Variants in TRPC4AP observed in about 807,000 individuals in gnomAD.
TRPC4AP encodes the protein short transient receptor potential channel 4-associated protein.
A neutral mutation model predicts 99.0 loss-of-function variants in TRPC4AP; 45 were observed. That is an observed-to-expected ratio of 0.45 (90% CI 0.36 to 0.58). The LOEUF (loss-of-function observed/expected upper bound fraction) is 0.58. TRPC4AP is among the 20% of genes least tolerant of loss of function. The probability of loss-of-function intolerance (pLI) is 0.00; values close to 1 mark genes in which losing one functional copy is unlikely to be tolerated. For synonymous variants in TRPC4AP, 408 were observed against 385.8 expected, an observed-to-expected ratio of 1.06 and a Z score of -0.67; for missense variants, 879 against 985.3, an observed-to-expected ratio of 0.89 and a Z score of 1.44.
In TRPC4AP at chr20:35,070,916, A is replaced by AT. The variant is rs199958785; in HGVS notation, c.298-1505dup. On this transcript the variant is annotated intron_variant, in intron 2 of 18. Transcript: ENST00000252015. ...AAACCTAAAACATAGTAAGTTTCAA[A>AT]TAAGTACTTACTTAATGAATAAAGA... Among the ~76,000 whole-genome samples, 11 of 152,364 alleles carry AT rather than the reference A, an allele frequency of 7.2e-5. No homozygotes were observed. The East Asian group carries it at 1.7e-3, about 24-fold the overall frequency.
intron 5 of TRPC4AP, among the ~76,000 whole-genome samples, chr20:35,050,726 A>G (rs573753571): frequency 1.3e-5 from 2 of 150,164 alleles, no homozygotes; most frequent in South Asian, 4.2e-4. Flanking sequence ...AAAAAAAACA[A>G]AACAAAAAAA....
At position 35,068,978 on chromosome 20, in the gene TRPC4AP, C is replaced by CAAAA. The variant is rs1555914270; in HGVS notation, c.414+314_414+317dup. ...ACACACACACACACACACACACACACAAAAAAAACAAAACATCTTAAGCAG... is the reference window on the plus strand; with the variant it reads ...ACACACACACACACACACACACACACAAAAAAAAAAAACAAAACATCTTAAGCAG... On this transcript the variant is annotated intron_variant, in intron 3 of 18. Transcript: ENST00000252015. Among the ~76,000 whole-genome samples the CAAAA allele has an allele frequency of 3.9e-3, 369 of 95,170 alleles. 8 individuals are homozygous for CAAAA. Among genetic ancestry groups the CAAAA allele is most frequent in the African/African-American group, 0.013 (326 of 24,910 alleles). 62.4% of individuals were successfully genotyped at this position (95,170 alleles called of 152,430 possible).
At position 35,044,525 on chromosome 20, in the gene TRPC4AP, G is replaced by A; in HGVS notation, c.845C>T (p.Ser282Phe). The A allele has an allele frequency of 6.2e-7, 1 of 1,613,962 alleles. No individual in the cohort carries two copies. ...QQKKSLSLGP[S>F]AAEINQAALL... ...TTTACCTTGATTGATTTCAGCTGCA[G>A]AAGGCCCCAAACTCAAGCTCTTCTT... Residue 282 changes from serine to phenylalanine, a missense_variant, in exon 7 of 19, where the codon TCT (serine) becomes TTT (phenylalanine). By Grantham distance (155) the Ser-to-Phe change is radical. This residue lies in a region of TRPC4AP where 603 missense variants were observed against 631.8 expected (regional missense o/e 0.95). Transcript: ENST00000252015.
At chr20:35,058,842 C>A (rs1385622780) in intron 3 of TRPC4AP, among the ~76,000 whole-genome samples, 1 of 151,882 alleles carries the variant, frequency 6.6e-6, no homozygotes, top group Non-Finnish European at 1.5e-5. Context: ...GTGCCTGCCA[C>A]CACTCCTGGC....
At chr20:35,004,927 G>A (rs1049654788) in intron 16 of TRPC4AP, among the ~76,000 whole-genome samples, 2 of 152,152 alleles carry the variant, frequency 1.3e-5, no homozygotes, top group Admixed American at 6.5e-5. Flanking sequence ...GAAAAACAAC[G>A]CAAAAGTTCC....
intron 5 of TRPC4AP, among the ~76,000 whole-genome samples, chr20:35,050,334 T>G (rs1253522166): frequency 6.6e-6 from 1 of 152,228 alleles, no homozygotes; most frequent in Non-Finnish European, 1.5e-5. Context: ...GAGTCAGACC[T>G]AAGTTCTAAT....
intron 7 of TRPC4AP, among the ~76,000 whole-genome samples, chr20:35,035,569 G>A (rs1262128399): frequency 6.6e-6 from 1 of 152,192 alleles, no homozygotes; most frequent in Middle Eastern, 3.2e-3. Flanking sequence ...TTAAATGTGT[G>A]TGTCTTTGAG....
chr20:35,065,264 T>C (rs1023064350), intron 3 of TRPC4AP, among the ~76,000 whole-genome samples: 4 of 152,208 alleles, frequency 2.6e-5, no homozygotes, highest in Non-Finnish European at 5.9e-5. Flanking sequence ...AAACACTCAA[T>C]GGGAGAGGAA....
At chr20:35,009,180 T>TA (rs2082578917) in intron 12 of TRPC4AP, among the ~76,000 whole-genome samples, 1 of 152,222 alleles carries the variant, frequency 6.6e-6, no homozygotes, top group East Asian at 1.9e-4. Context: ...CTTCCCAGTC[T>TA]ATGAAGCAAA....
intron 1 of TRPC4AP, among the ~76,000 whole-genome samples, chr20:35,089,223 T>C (rs981596268): frequency 6.6e-6 from 1 of 151,848 alleles, no homozygotes; most frequent in Non-Finnish European, 1.5e-5. Flanking sequence ...TACATATATA[T>C]ATTTATATAT....
chr20:35,048,898 T>C (rs1415237790), intron 6 of TRPC4AP, among the ~76,000 whole-genome samples: 2 of 152,144 alleles, frequency 1.3e-5, no homozygotes, highest in African/African-American at 4.8e-5. Context: ...CCTGCACACA[T>C]CTCCAATGTG....
intron 8 of TRPC4AP, among the ~76,000 whole-genome samples, chr20:35,032,762 G>A (rs928112008): frequency 6.6e-6 from 1 of 152,114 alleles, no homozygotes; most frequent in Non-Finnish European, 1.5e-5. Flanking sequence ...GTGAGCCAAC[G>A]CGCCCAGCCC....
chr20:35,016,364 A>C (rs2082753873), intron 9 of TRPC4AP, among the ~76,000 whole-genome samples: 1 of 152,176 alleles, frequency 6.6e-6, no homozygotes, highest in Admixed American at 6.5e-5. Flanking sequence ...TACAAGGCAT[A>C]ATGTCCGGTA....
intron 1 of TRPC4AP, among the ~76,000 whole-genome samples, chr20:35,082,941 G>A (rs1008075340): frequency 2.0e-5 from 3 of 152,154 alleles, no homozygotes; most frequent in African/African-American, 7.2e-5. Flanking sequence ...ATGGCAAAAT[G>A]TTTAAGGTTT....
intron 7 of TRPC4AP, among the ~76,000 whole-genome samples, chr20:35,040,969 G>C (rs1240203668): frequency 7.5e-6 from 1 of 133,292 alleles, no homozygotes; most frequent in Non-Finnish European, 1.7e-5. Flanking sequence ...TCTAAGAAGA[G>C]GAAGAGACAC....
chr20:35,072,909 T>C (rs6058168), intron 2 of TRPC4AP, among the ~76,000 whole-genome samples: 110,509 of 152,110 alleles, frequency 0.73, 40,477 homozygotes, highest in Middle Eastern at 0.83. Flanking sequence ...TTCTTCCTAT[T>C]CATGAGCATG....
At chr20:35,057,818 T>C (rs1316154801) in intron 3 of TRPC4AP, among the ~76,000 whole-genome samples, 2 of 152,172 alleles carry the variant, frequency 1.3e-5, no homozygotes, top group Non-Finnish European at 2.9e-5. Context: ...AAAGAAGTAT[T>C]TTAGATTAGG....
rs1303126127 is a variant in TRPC4AP at position 35,008,741 on chromosome 20, C to T, written c.1518G>A (p.Leu506=). The T allele has an allele frequency of 1.2e-6, 2 of 1,613,724 alleles. No individual in the cohort carries two copies. Among genetic ancestry groups the T allele is most frequent in the Non-Finnish European group, 1.7e-6 (2 of 1,179,784 alleles). The change falls in exon 13 of 19, where the codon TTG becomes TTA. Residue 506 remains leucine, a synonymous_variant. Coordinates refer to ENST00000252015, the MANE Select transcript of TRPC4AP (RefSeq NM_015638.3). The part of the protein sequence containing the change: ...VEAVLNTDRS[L]VCDGKRGLLT... ...ATAAGCCCCTCTTCCCATCACACAC[C>T]AAACTCCTGAAATAGAAGAGAGATA...
At chr20:35,008,600 C>A (rs538058741) in intron 13 of TRPC4AP, 64 bp downstream of exon 13, 44 of 1,456,554 alleles carry the variant, frequency 3.0e-5, no homozygotes, top group Non-Finnish European at 4.0e-5. Flanking sequence ...GTATTCCTAA[C>A]CTCCTGAGAA....
Sources: allele counts gnomAD v4.1 joint callset (sites outside exome capture counted in the v4.1 genomes callset), GRCh38; gene constraint gnomAD v4.1.1; regional missense constraint gnomAD v4.1.1; transcripts MANE v1.5; gene names NCBI Gene and HGNC (gene_info 2026-07-23, HGNC 2026-07-21).